UBE2E3: variants seen among roughly 807,000 people sequenced by gnomAD.
UBE2E3 encodes ubiquitin-conjugating enzyme E2 E3.
Under a neutral mutation model 23.6 loss-of-function variants are expected in UBE2E3, and 5 were observed. The observed-to-expected ratio is 0.21, with a 90% CI of 0.11 to 0.44. The LOEUF is 0.44. Among genes scored for constraint, UBE2E3 ranks in the 20% least tolerant of loss-of-function variants. The pLI, the probability that UBE2E3 is intolerant of heterozygous loss-of-function variation, is 0.99. For missense variants in UBE2E3, 81 were observed against 249.8 expected (o/e 0.32, Z 4.55); for synonymous variants, 78 against 87.5 (o/e 0.89, Z 0.60).
At chr2:180,990,956 G>A (rs926174731) in intron 3 of UBE2E3, among the ~76,000 whole-genome samples, 2 of 152,134 alleles carry the variant, frequency 1.3e-5, no homozygotes, top group Admixed American at 6.5e-5. Flanking sequence ...TTTTAGAAAG[G>A]TAGTATGATG....
At chr2:181,017,162 G>C (rs1266870705) in intron 3 of UBE2E3, among the ~76,000 whole-genome samples, 1 of 152,118 alleles carries the variant, frequency 6.6e-6, no homozygotes, top group African/African-American at 2.4e-5. Flanking sequence ...TGAGAGTGGG[G>C]AGAAGGTTAA....
intron 3 of UBE2E3, chr2:180,989,796 G>T: frequency 7.2e-7 from 1 of 1,385,988 alleles, no homozygotes; most frequent in Non-Finnish European, 9.6e-7. Context: ...CACATAACCA[G>T]TCATATTCCT....
chr2:181,001,497 A>G (rs1406194529), intron 3 of UBE2E3, among the ~76,000 whole-genome samples: 1 of 152,182 alleles, frequency 6.6e-6, no homozygotes, highest in Non-Finnish European at 1.5e-5. Context: ...AACAAAAGAG[A>G]CAATTTGGAG....
rs1348465764 is a variant in UBE2E3, at chr2:180,987,288, A to G, written c.245+3195A>G. 1.9e-6 allele frequency: 3 copies of G among 1,539,968 alleles called. No homozygotes were observed. The South Asian group carries it at 3.6e-5, about 19-fold the overall frequency. On this transcript the variant is annotated intron_variant, in intron 3 of 5. Coordinates refer to ENST00000410062, the MANE Select transcript of UBE2E3 (RefSeq NM_006357.4). ...TATTTATTGAGAATTGTTGACTAGA[A>G]TTGTTTAGTGATGTGTTATTAAGAC...
intron 3 of UBE2E3, among the ~76,000 whole-genome samples, chr2:181,015,311 C>CAA (rs1685452105): frequency 6.6e-6 from 1 of 152,132 alleles, no homozygotes; most frequent in Non-Finnish European, 1.5e-5. Flanking sequence ...AGGGCTTTAT[C>CAA]ACATAGCTTA....
chr2:181,047,721 A>G (rs1026387400), intron 3 of UBE2E3, among the ~76,000 whole-genome samples: 2 of 151,674 alleles, frequency 1.3e-5, no homozygotes, highest in African/African-American at 4.8e-5. Flanking sequence ...ATCATCTTTC[A>G]CCCAGATTAC....
intron 3 of UBE2E3, among the ~76,000 whole-genome samples, chr2:181,045,169 T>C (rs967440629): frequency 1.3e-5 from 2 of 152,198 alleles, no homozygotes; most frequent in African/African-American, 4.8e-5. Flanking sequence ...GCAAAATTAC[T>C]TGTGCTGTGT....
At chr2:181,053,211 C>A (rs1041741977) in intron 3 of UBE2E3, among the ~76,000 whole-genome samples, 4 of 151,756 alleles carry the variant, frequency 2.6e-5, no homozygotes, top group African/African-American at 9.7e-5. Flanking sequence ...GTGGTCAATT[C>A]GAAGGCACTC....
rs1445392333 is a variant in UBE2E3, at chr2:181,005,372, A to G, written c.245+21279A>G. On this transcript the variant is annotated intron_variant, in intron 3 of 5. Transcript: ENST00000410062. ...TGCATTTCATTAACTCCAGCTGAGT[A>G]TATTATATCCATATGGTTCATGCCT... Among the ~76,000 whole-genome samples, 7 of 152,318 alleles carry G rather than the reference A, an allele frequency of 4.6e-5. No homozygotes were observed. In the South Asian group the frequency reaches 1.2e-3, roughly 27 times the overall value.
chr2:181,027,352 TCA>T (rs1375757377), intron 3 of UBE2E3, among the ~76,000 whole-genome samples: 1 of 151,906 alleles, frequency 6.6e-6, no homozygotes, highest in Non-Finnish European at 1.5e-5. Flanking sequence ...GGTAGCTGCA[TCA>T]TATATCATGG....
chr2:180,990,122 C>T (rs1684611052), intron 3 of UBE2E3: 7 of 904,138 alleles, frequency 7.7e-6, no homozygotes, highest in Non-Finnish European at 1.1e-5. Flanking sequence ...CTTTCTTTTG[C>T]CTTTTGATCA....
intron 3 of UBE2E3, among the ~76,000 whole-genome samples, chr2:180,985,989 A>G (rs1401044468): frequency 1.3e-5 from 2 of 152,154 alleles, no homozygotes; most frequent in Admixed American, 6.5e-5. Flanking sequence ...AGGGAGTAGA[A>G]TCTTTCAATG....
At chr2:180,987,493 A>G (rs1684517805) in intron 3 of UBE2E3, 1 of 1,330,620 alleles carries the variant, frequency 7.5e-7, no homozygotes, top group Non-Finnish European at 1.0e-6. Context: ...GATTGAATCT[A>G]TACTGGAGAT....
chr2:181,053,189 T>G (rs1024842695), intron 3 of UBE2E3, among the ~76,000 whole-genome samples: 1 of 151,794 alleles, frequency 6.6e-6, no homozygotes, highest in Non-Finnish European at 1.5e-5. Flanking sequence ...TACATGAACT[T>G]TGAGAGCCAG....
rs1574155429 is a variant in UBE2E3, at chr2:180,987,474, G to A, written c.245+3381G>A. The A allele has an allele frequency of 5.5e-6, 8 of 1,466,720 alleles. No homozygotes were observed. The East Asian group carries it at 1.7e-4, about 32-fold the overall frequency. The allele number at this position is 1,466,720 out of a possible 1,614,324, so 90.9% of individuals were successfully genotyped here. On this transcript the variant is annotated intron_variant, in intron 3 of 5. Transcript: ENST00000410062. The stretch of plus-strand genomic sequence containing the variant: ...ATATACTGACGAATATTTTAAGAGT[G>A]TATGTTCAGATTGAATCTATACTGG...
chr2:181,038,162 G>A (rs1026513987), intron 3 of UBE2E3, among the ~76,000 whole-genome samples: 1 of 152,074 alleles, frequency 6.6e-6, no homozygotes, highest in African/African-American at 2.4e-5. Context: ...TGTGGTAAGT[G>A]CCCAATACAA....
chr2:181,009,073 C>G (rs1053635257), intron 3 of UBE2E3, among the ~76,000 whole-genome samples: 4 of 152,026 alleles, frequency 2.6e-5, no homozygotes. Context: ...TGTATAAAAT[C>G]GTTAAAAGGT....
rs1684702844 is a variant in UBE2E3 at position 180,992,716 on chromosome 2, A to T, written c.245+8623A>T. ...TCACTCTGTTACCCAGGCTAGAGTGAAATGGCGCAATGTCAGCTCACCGCA... is the reference window on the plus strand; with the variant it reads ...TCACTCTGTTACCCAGGCTAGAGTGTAATGGCGCAATGTCAGCTCACCGCA... On this transcript the variant is annotated intron_variant, in intron 3 of 5. Coordinates refer to ENST00000410062, the MANE Select transcript of UBE2E3 (RefSeq NM_006357.4). Among the ~76,000 whole-genome samples the T allele has an allele frequency of 2.6e-5, 4 of 151,824 alleles. No homozygotes were observed. The South Asian group carries it at 8.3e-4, about 32-fold the overall frequency.
At chr2:181,043,659 A>C (rs1310453520) in intron 3 of UBE2E3, among the ~76,000 whole-genome samples, 1 of 152,174 alleles carries the variant, frequency 6.6e-6, no homozygotes, top group East Asian at 1.9e-4. Flanking sequence ...AGTAAAATAT[A>C]ATAATTAACG....
Sources: allele counts gnomAD v4.1 joint callset (sites outside exome capture counted in the v4.1 genomes callset), GRCh38; gene constraint gnomAD v4.1.1; transcripts MANE v1.5; gene names NCBI Gene and HGNC (gene_info 2026-07-23, HGNC 2026-07-21).